The following SCN4A variants were observed in gnomAD, a reference collection of about 807,000 sequenced individuals.
SCN4A encodes sodium channel protein type 4 subunit alpha.
SCN4A carries 83 observed loss-of-function variants against 162.0 expected under a neutral mutation model. That is an observed-to-expected ratio of 0.51 (90% CI 0.43 to 0.61). The LOEUF is 0.61. Ranked by LOEUF, SCN4A falls within the 20% of genes least tolerant of loss-of-function variation. The pLI is 0.00. For missense variants in SCN4A, 2,196 were observed against 2,462.5 expected, an observed-to-expected ratio of 0.89 and a Z score of 2.29; for synonymous variants, 944 against 985.1, an observed-to-expected ratio of 0.96 and a Z score of 0.78.
chr17:63,945,233 C>A lies in SCN4A; in HGVS notation c.3720+127G>T. On this transcript the variant is annotated intron_variant, in intron 19 of 23. Transcript: ENST00000435607. The surrounding 1 kb of genome is among the most constrained non-coding windows in gnomAD (Gnocchi z 4.4). The stretch of plus-strand genomic sequence containing the variant: ...AGGTCTAGACACTGCCTGGGGATCC[C>A]ACAGCATTGGAAGCAGGGTGGGCGG... The A allele has an allele frequency of 2.0e-6, 2 of 1,009,386 alleles. No individual in the cohort carries two copies. The highest frequency in any genetic ancestry group is 3.0e-6 in the Non-Finnish European group (2 of 671,032). 62.5% of individuals were successfully genotyped at this position (1,009,386 alleles called of 1,614,324 possible).
At position 63,940,853 on chromosome 17, in the gene SCN4A, A is replaced by G. The variant is rs1372284167; in HGVS notation, c.5429T>C (p.Ile1810Thr). The G allele has an allele frequency of 1.2e-6, 2 of 1,612,700 alleles. No homozygotes were observed. The highest frequency in any genetic ancestry group is 1.7e-6 in the Non-Finnish European group (2 of 1,179,200). ...AGGCCAGGCAGTGTCTGAGGGGCTG[A>G]TGGGCATCAGCCCCATAGTGGGTCC... The part of the protein sequence containing the change: ...DAGPTMGLMP[I>T]SPSDTAWPPA... The change falls in exon 24 of 24, where the codon ATC (isoleucine) becomes ACC (threonine). Residue 1810 changes from isoleucine to threonine, a missense_variant. By Grantham distance (89) the Ile-to-Thr change is moderately conservative. Coordinates refer to ENST00000435607, the MANE Select transcript of SCN4A (RefSeq NM_000334.4).
At chr17:63,949,560 G>C in intron 14 of SCN4A, 32 bp from the exon 15 acceptor site, 1 of 1,568,044 alleles carries the variant, frequency 6.4e-7, no homozygotes, top group Non-Finnish European at 8.7e-7. Flanking sequence ...ATGACATCTG[G>C]GTCCCTGAGA....
rs1488666004 is a variant in SCN4A, at chr17:63,972,856, C to A, written c.-15G>T. 1 of 1,595,614 alleles carries A rather than the reference C, an allele frequency of 6.3e-7. No homozygotes were observed. Among genetic ancestry groups the A allele is most frequent in the Admixed American group, 1.7e-5 (1 of 59,166 alleles). Reference sequence around the variant, plus strand: ...GGTCTGGCCATCCTCGCATCCTGGGCTCAGAGACCAGAAGGGTGGTGGGTG... The same window carrying A: ...GGTCTGGCCATCCTCGCATCCTGGGATCAGAGACCAGAAGGGTGGTGGGTG... On this transcript the variant is annotated 5_prime_UTR_variant, in exon 1 of 24. Coordinates refer to ENST00000435607, the MANE Select transcript of SCN4A (RefSeq NM_000334.4). This position sits in a 1 kb window ranked among gnomAD's most constrained non-coding sequence, Gnocchi z 4.3.
At chr17:63,959,544 G>T in intron 11 of SCN4A, 106 bp from the exon 12 acceptor site, 2 of 1,050,972 alleles carry the variant, frequency 1.9e-6, no homozygotes, top group Non-Finnish European at 2.9e-6. Flanking sequence ...GGGCGGAGGG[G>T]AAGGGGTCCA....
chr17:63,941,599 G>T lies in SCN4A; in HGVS notation c.4683C>A (p.Gly1561=). The change falls in exon 24 of 24, where the codon GGC becomes GGA. Residue 1561 remains glycine, a synonymous_variant. Transcript: ENST00000435607. The surrounding 1 kb of genome is among the most constrained non-coding windows in gnomAD (Gnocchi z 6.2). ...PDCDPNLENP[G]TSVKGDCGNP... is the part of the protein sequence containing the mutation. ...TGCCGCAGTCACCCTTGACACTGGT[G>T]CCCGGGTTCTCCAGGTTGGGGTCAC... 1 of 1,614,066 alleles carries T rather than the reference G, an allele frequency of 6.2e-7. No homozygotes were observed. Among genetic ancestry groups the T allele is most frequent in the East Asian group, 2.2e-5 (1 of 44,874 alleles).
rs1483347762 is a variant in SCN4A, at chr17:63,941,359, T to C, written c.4923A>G (p.Ser1641=). 3 of 1,613,784 alleles carry C rather than the reference T, an allele frequency of 1.9e-6. No homozygotes were observed. Among genetic ancestry groups the C allele is most frequent in the African/African-American group, 1.3e-5 (1 of 74,886 alleles). The change falls in exon 24 of 24, where the codon TCA becomes TCG. Residue 1641 remains serine, a synonymous_variant. Transcript: ENST00000435607. This position sits in a 1 kb window ranked among gnomAD's most constrained non-coding sequence, Gnocchi z 6.2. ...GTTCCTGCAGGGTGTCCACGAAGTC[T>C]GAGAGGCGGCTGTAGGCGATGAACT... ...ATQFIAYSRL[S]DFVDTLQEPL...
Position 63,971,267 on chromosome 17 carries a change from G to A in SCN4A, c.612-14C>T. The A allele has an allele frequency of 1.4e-6, 2 of 1,459,838 alleles. No homozygotes were observed. Among genetic ancestry groups the A allele is most frequent in the Non-Finnish European group, 1.9e-6 (2 of 1,064,268 alleles). 90.4% of individuals were successfully genotyped at this position (1,459,838 alleles called of 1,614,324 possible). ...TCTGTCAGGTACCTGGGTAGGGGGT[G>A]GAGGGGGGTGGGGACTGTCAGAGCC... On this transcript the variant is annotated splice_polypyrimidine_tract_variant and intron_variant, in intron 4 of 23. Coordinates refer to ENST00000435607, the MANE Select transcript of SCN4A (RefSeq NM_000334.4).
At position 63,972,834 on chromosome 17, in the gene SCN4A, C is replaced by G. The variant is rs764134362; in HGVS notation, c.8G>C (p.Arg3Thr). 8.3e-5 allele frequency: 134 copies of G among 1,608,334 alleles called. No individual in the cohort carries two copies. In the Admixed American group the frequency reaches 2.2e-3, roughly 26 times the overall value. ...AGGCACCAGGGTGCACAGAGATGGT[C>G]TGGCCATCCTCGCATCCTGGGCTCA... MA[R>T]PSLCTLVPLG... Residue 3 changes from arginine (R) to threonine (T), a missense_variant, in exon 1 of 24, where the codon AGA (arginine) becomes ACA (threonine). Arg to Thr is a moderately conservative substitution (Grantham distance 71). Transcript: ENST00000435607. The surrounding 1 kb of genome is among the most constrained non-coding windows in gnomAD (Gnocchi z 4.3).
chr17:63,945,818 G>A lies in SCN4A; in HGVS notation c.3442-180C>T, dbSNP rs1908700808. On this transcript the variant is annotated intron_variant, in intron 18 of 23. Transcript: ENST00000435607. The surrounding 1 kb of genome is among the most constrained non-coding windows in gnomAD (Gnocchi z 4.4). ...GGTTGGGGGTGGTAAGGGGGAGGGG[G>A]AGGGAGCTGCAGGCCTGGTGGTCAA... 6.6e-6 allele frequency among the ~76,000 whole-genome samples: 1 copy of A among 151,564 alleles called. No homozygotes were observed. Among genetic ancestry groups the A allele is most frequent in the African/African-American group, 2.4e-5 (1 of 41,300 alleles).
rs145382772 is a variant in SCN4A at position 63,968,875 on chromosome 17, T to C, written c.704-520A>G. On this transcript the variant is annotated intron_variant, in intron 5 of 23. Coordinates refer to ENST00000435607, the MANE Select transcript of SCN4A (RefSeq NM_000334.4). ...TATTTATTTAGAGAGAGTCTCATTC[T>C]GTCACCCAGGCTGGAATGCAGTGGC... Among the ~76,000 whole-genome samples, 364 of 152,374 alleles carry C rather than the reference T, an allele frequency of 2.4e-3. 2 individuals carry two copies. Among genetic ancestry groups the C allele is most frequent in the African/African-American group, 8.0e-3 (334 of 41,600 alleles).
At chr17:63,959,948 G>GA (rs1909193644) in intron 11 of SCN4A, among the ~76,000 whole-genome samples, 1 of 152,180 alleles carries the variant, frequency 6.6e-6, no homozygotes, top group South Asian at 2.1e-4. Context: ...CTGTCTGTAT[G>GA]CCTACAGCCT....
At chr17:63,963,846 C>A (rs751938039) in intron 9 of SCN4A, 21 bp from the exon 10 acceptor site, 1 of 1,583,358 alleles carries the variant, frequency 6.3e-7, no homozygotes, top group South Asian at 1.2e-5. Flanking sequence ...GCAAGAGTGA[C>A]TGGCAGGAAG....
chr17:63,957,574 G>T, intron 12 of SCN4A, 56 bp from the exon 13 acceptor site: 2 of 1,241,028 alleles, frequency 1.6e-6, no homozygotes, highest in Non-Finnish European at 1.2e-6. Flanking sequence ...ACCCAAGGCA[G>T]CCCCAGCCTT....
At chr17:63,963,963 G>T (rs990655929) in intron 9 of SCN4A, 138 bp from the exon 10 acceptor site, 34 of 803,860 alleles carry the variant, frequency 4.2e-5, no homozygotes, top group Admixed American at 1.2e-4. Context: ...TAGTGCAGGT[G>T]GGGGAGGGAC....
rs1047066172 is a variant in SCN4A, at chr17:63,940,451, C to T, written c.*320G>A. The T allele has an allele frequency of 1.2e-5, 4 of 332,952 alleles. No individual in the cohort carries two copies. The highest frequency in any genetic ancestry group is 4.7e-5 in the East Asian group (1 of 21,120). The allele number at this position is 332,952 out of a possible 1,614,324, so 20.6% of individuals were successfully genotyped here. ...CCTCCTCAAGTGAGGGGCAGAGATT[C>T]GAATGTTCTGACCTCCCCCAGGCCA... On this transcript the variant is annotated 3_prime_UTR_variant, in exon 24 of 24. Transcript: ENST00000435607.
At chr17:63,947,570 A>G (rs1188011600) in intron 17 of SCN4A, among the ~76,000 whole-genome samples, 1 of 152,214 alleles carries the variant, frequency 6.6e-6, no homozygotes, top group Non-Finnish European at 1.5e-5. Context: ...CCTGGGCAAC[A>G]TAGCAAGATC....
chr17:63,961,749 C>A (rs1229378437), intron 10 of SCN4A: 1 of 363,054 alleles, frequency 2.8e-6, no homozygotes, highest in Non-Finnish European at 5.1e-6. Flanking sequence ...CTGGAACCCC[C>A]GCGTCCTCAG....
Position 63,957,512 on chromosome 17 carries a change from C to T in SCN4A, c.2026G>A (p.Val676Ile), listed in dbSNP as rs774271405. 2 of 1,609,194 alleles carry T rather than the reference C, an allele frequency of 1.2e-6. No homozygotes were observed. Among genetic ancestry groups the T allele is most frequent in the East Asian group, 2.2e-5 (1 of 44,808 alleles). Residue 676 changes from valine (V) to isoleucine (I), a missense_variant, in exon 13 of 24, where the codon GTC becomes ATC. Coordinates refer to ENST00000435607, the MANE Select transcript of SCN4A (RefSeq NM_000334.4). ...SVLRSFRLLR[V>I]FKLAKSWPTL... ...GGCCACGACTTGGCCAGCTTGAAGA[C>T]CCGCAGCTGCCAAGCAGGGAGGGCA...
chr17:63,952,461 T>C lies in SCN4A; in HGVS notation c.2377-561A>G, dbSNP rs190284680. Among the ~76,000 whole-genome samples, 402 of 152,278 alleles carry C rather than the reference T, an allele frequency of 2.6e-3. 1 individual carries two copies. The highest frequency in any genetic ancestry group is 4.8e-3 in the Admixed American group (73 of 15,292). On this transcript the variant is annotated intron_variant, in intron 13 of 23. Transcript: ENST00000435607. ...AGGCATCACCACGGTGCCTGGCCCA[T>C]GACTGTCCTTTACCTCCACTTCTGG...
Sources: allele counts gnomAD v4.1 joint callset (sites outside exome capture counted in the v4.1 genomes callset), GRCh38; gene constraint gnomAD v4.1.1; non-coding constraint Gnocchi (gnomAD v3.1); transcripts MANE v1.5; gene names NCBI Gene and HGNC (gene_info 2026-07-23, HGNC 2026-07-21).